VAPA: variants seen among roughly 807,000 people sequenced by gnomAD.
The protein encoded by VAPA is VAMP associated protein A.
VAPA carries 6 observed loss-of-function variants against 25.6 expected under a neutral mutation model. That is an observed-to-expected ratio of 0.23 (90% CI 0.13 to 0.46). The LOEUF (loss-of-function observed/expected upper bound fraction) is 0.46. Among genes scored for constraint, VAPA ranks in the 20% least tolerant of loss-of-function variants. VAPA has a pLI of 0.99. For missense variants in VAPA, 244 were observed against 302.1 expected (o/e 0.81, Z 1.43); for synonymous variants, 112 against 106.2 (o/e 1.05, Z -0.34).
At chr18:9,914,785 A>T (rs150404190) in intron 1 of VAPA, 3,586 of 152,086 alleles carry the variant, frequency 0.024, 53 homozygotes, top group Middle Eastern at 0.07. Flanking sequence ...TGGGCTCTGG[A>T]GGTGGCGCAA....
chr18:9,941,787 A>G lies in VAPA; in HGVS notation c.417+4721A>G, dbSNP rs77087694. On this transcript the variant is annotated intron_variant, in intron 4 of 5. Transcript: ENST00000400000. ...TTCAGATGAATTGATAAAATGCTGT[A>G]TGATGCTGAATCCTGACTTACACAG... Among the ~76,000 whole-genome samples, 370 of 152,338 alleles carry G rather than the reference A, an allele frequency of 2.4e-3. 1 individual carries two copies. The highest frequency in any genetic ancestry group is 8.5e-3 in the African/African-American group (352 of 41,584).
At chr18:9,952,307 C>T (rs2069497899) in intron 5 of VAPA, among the ~76,000 whole-genome samples, 1 of 152,112 alleles carries the variant, frequency 6.6e-6, no homozygotes, top group Non-Finnish European at 1.5e-5. Flanking sequence ...TGGCTCACAC[C>T]GGTAATCCCA....
rs954137658 is a variant in VAPA at position 9,944,988 on chromosome 18, C to G, written c.418-5407C>G. 26 of 1,614,062 alleles carry G rather than the reference C, an allele frequency of 1.6e-5. No individual in the cohort carries two copies. In the African/African-American group the frequency reaches 1.9e-4, roughly 12 times the overall value. ...ATGAGCAGCATCAACAACACAGTTG[C>G]AACACCTGCCAGTTATCACACGAAG... On this transcript the variant is annotated intron_variant, in intron 4 of 5. Transcript: ENST00000400000.
intron 1 of VAPA, 59 bp downstream of exon 1, chr18:9,914,394 C>A: frequency 6.9e-7 from 1 of 1,452,756 alleles, no homozygotes; most frequent in Non-Finnish European, 9.2e-7. Context: ...TGGCTGTCGG[C>A]GGGGGGGCGC....
At chr18:9,918,903 A>G (rs896135882) in intron 1 of VAPA, among the ~76,000 whole-genome samples, 4 of 152,026 alleles carry the variant, frequency 2.6e-5, no homozygotes, top group African/African-American at 9.7e-5. Context: ...CATATTTTTT[A>G]TTTTTATTTT....
intron 1 of VAPA, among the ~76,000 whole-genome samples, chr18:9,915,463 G>A (rs1358839620): frequency 6.6e-6 from 1 of 152,122 alleles, no homozygotes; most frequent in Non-Finnish European, 1.5e-5. Flanking sequence ...TGTTTTTAAG[G>A]AATACTGAAA....
chr18:9,946,875 A>C (rs1282770280), intron 4 of VAPA, among the ~76,000 whole-genome samples: 1 of 152,244 alleles, frequency 6.6e-6, no homozygotes, highest in Admixed American at 6.5e-5. Flanking sequence ...GCACAAGCAC[A>C]GTGTATAGAT....
intron 1 of VAPA, among the ~76,000 whole-genome samples, chr18:9,921,672 T>C (rs2069157854): frequency 6.6e-6 from 1 of 152,146 alleles, no homozygotes; most frequent in Non-Finnish European, 1.5e-5. Context: ...CTTTCAGAGG[T>C]GGAAGTTGAT....
chr18:9,928,131 T>C (rs984977821), intron 1 of VAPA, among the ~76,000 whole-genome samples: 7 of 152,112 alleles, frequency 4.6e-5, no homozygotes, highest in Admixed American at 4.6e-4. Flanking sequence ...AGCATTCATA[T>C]TGGGCAAATG....
intron 4 of VAPA, among the ~76,000 whole-genome samples, chr18:9,944,178 T>A (rs1180325155): frequency 6.6e-6 from 1 of 151,960 alleles, no homozygotes; most frequent in Non-Finnish European, 1.5e-5. Flanking sequence ...TAGAAAAAAA[T>A]ACTGATTTTT....
At chr18:9,945,082 C>T (rs2069408239) in intron 4 of VAPA, 3 of 1,610,160 alleles carry the variant, frequency 1.9e-6, no homozygotes, top group Non-Finnish European at 2.5e-6. Context: ...AGTTAACAGA[C>T]TTAGGAGTCT....
intron 1 of VAPA, among the ~76,000 whole-genome samples, chr18:9,915,533 G>T (rs2069105527): frequency 6.6e-6 from 1 of 152,130 alleles, no homozygotes; most frequent in Non-Finnish European, 1.5e-5. Flanking sequence ...TGTAAAGTGA[G>T]TCCCGTTTTG....
At chr18:9,933,953 T>G (rs944208257) in intron 2 of VAPA, among the ~76,000 whole-genome samples, 1 of 152,242 alleles carries the variant, frequency 6.6e-6, no homozygotes, top group Non-Finnish European at 1.5e-5. Flanking sequence ...GGGGCCTAGA[T>G]TGCTGGTTTC....
At chr18:9,946,533 C>T (rs764135732) in intron 4 of VAPA, among the ~76,000 whole-genome samples, 1 of 150,506 alleles carries the variant, frequency 6.6e-6, no homozygotes, top group Non-Finnish European at 1.5e-5. Flanking sequence ...TTATGTGTGG[C>T]CCAAGACAAT....
chr18:9,924,291 G>A (rs1289546348), intron 1 of VAPA, among the ~76,000 whole-genome samples: 6 of 152,014 alleles, frequency 3.9e-5, no homozygotes, highest in South Asian at 4.1e-4. Flanking sequence ...GATGTGGACC[G>A]CTCGTTTCTA....
At chr18:9,946,609 G>A (rs956565185) in intron 4 of VAPA, among the ~76,000 whole-genome samples, 1 of 151,764 alleles carries the variant, frequency 6.6e-6, no homozygotes, top group Non-Finnish European at 1.5e-5. Context: ...CAGAAAAGGC[G>A]CAGCAAAAAT....
chr18:9,917,242 CAT>C (rs1386026577), intron 1 of VAPA, among the ~76,000 whole-genome samples: 5 of 152,168 alleles, frequency 3.3e-5, no homozygotes, highest in African/African-American at 1.2e-4. Context: ...AAATTTTTTA[CAT>C]GATAAAATTC....
chr18:9,954,244 T>G lies in VAPA; in HGVS notation c.*33T>G. The G allele has an allele frequency of 6.4e-7, 1 of 1,563,172 alleles. No individual in the cohort carries two copies. Among genetic ancestry groups the G allele is most frequent in the Non-Finnish European group, 8.6e-7 (1 of 1,160,730 alleles). On this transcript the variant is annotated 3_prime_UTR_variant, in exon 6 of 6. Coordinates refer to ENST00000400000, the MANE Select transcript of VAPA (RefSeq NM_194434.3). ...CATGCAGAGTGCTGTTTCTTTTTTTTTTTTTCTCTTGACCAGAAAAAGATT... is the reference window on the plus strand; with the variant it reads ...CATGCAGAGTGCTGTTTCTTTTTTTGTTTTTCTCTTGACCAGAAAAAGATT...
At chr18:9,925,562 G>T (rs1036774318) in intron 1 of VAPA, among the ~76,000 whole-genome samples, 8 of 151,782 alleles carry the variant, frequency 5.3e-5, no homozygotes, top group African/African-American at 1.9e-4. Context: ...ACCAGGCATT[G>T]TGTTAGTTGC....
Sources: allele counts gnomAD v4.1 joint callset (sites outside exome capture counted in the v4.1 genomes callset), GRCh38; gene constraint gnomAD v4.1.1; transcripts MANE v1.5; gene names NCBI Gene and HGNC (gene_info 2026-07-23, HGNC 2026-07-21).